Variants in ADAMTS12 observed in about 807,000 individuals in gnomAD.
The protein encoded by ADAMTS12 is ADAM metallopeptidase with thrombospondin type 1 motif 12.
Under a neutral mutation model 167.8 loss-of-function variants are expected in ADAMTS12, and 118 were observed. The observed-to-expected ratio is 0.70, with a 90% CI of 0.61 to 0.82. The LOEUF (loss-of-function observed/expected upper bound fraction) is 0.82. Among genes scored for constraint, ADAMTS12 ranks in the 40% least tolerant of loss-of-function variants. ADAMTS12 has a pLI of 0.00. For synonymous variants in ADAMTS12, 704 were observed against 716.9 expected (o/e 0.98, Z 0.29); for missense variants, 1,916 against 1,998.8 (o/e 0.96, Z 0.79).
intron 3 of ADAMTS12, among the ~76,000 whole-genome samples, chr5:33,742,287 C>G (rs1744616138): frequency 6.7e-6 from 1 of 148,946 alleles, no homozygotes; most frequent in African/African-American, 2.5e-5. Context: ...ATAATTTCCT[C>G]AAACATCTGA....
intron 2 of ADAMTS12, among the ~76,000 whole-genome samples, chr5:33,840,524 G>A (rs192683365): frequency 1.3e-5 from 2 of 152,322 alleles, no homozygotes; most frequent in East Asian, 3.9e-4. Context: ...CTTCTCAACT[G>A]TGGAGATGAT....
At chr5:33,539,553 T>C (rs1007653494) in intron 22 of ADAMTS12, among the ~76,000 whole-genome samples, 8 of 152,324 alleles carry the variant, frequency 5.3e-5, no homozygotes, top group African/African-American at 1.9e-4. Flanking sequence ...ATTTGATCTT[T>C]TCTCTTTTGA....
At chr5:33,594,283 C>A (rs530595484) in intron 17 of ADAMTS12, among the ~76,000 whole-genome samples, 1 of 152,310 alleles carries the variant, frequency 6.6e-6, no homozygotes, top group East Asian at 1.9e-4. Context: ...CCTTCTGCCA[C>A]GATTGTGAGG....
chr5:33,634,182 C>T lies in ADAMTS12; in HGVS notation c.1889-3269G>A, dbSNP rs555917056. 9.2e-5 allele frequency among the ~76,000 whole-genome samples: 14 copies of T among 152,186 alleles called. No individual in the cohort carries two copies. The South Asian group carries it at 2.5e-3, about 27-fold the overall frequency. Reference sequence around the variant, plus strand: ...GGTAAGGAAAAGTTTTGATGCATTTCGTGTTTTGTGAATAGACTGGAAAGT... The same window carrying T: ...GGTAAGGAAAAGTTTTGATGCATTTTGTGTTTTGTGAATAGACTGGAAAGT... On this transcript the variant is annotated intron_variant, in intron 12 of 23. Transcript: ENST00000504830.
chr5:33,792,818 T>C (rs1211927786), intron 2 of ADAMTS12, among the ~76,000 whole-genome samples: 1 of 152,230 alleles, frequency 6.6e-6, no homozygotes, highest in Non-Finnish European at 1.5e-5. Flanking sequence ...GAACTCCAAC[T>C]CCACTCAACC....
At chr5:33,890,127 C>T (rs536278798) in intron 1 of ADAMTS12, among the ~76,000 whole-genome samples, 3 of 152,194 alleles carry the variant, frequency 2.0e-5, no homozygotes, top group Non-Finnish European at 4.4e-5. Flanking sequence ...ACCATGGCCC[C>T]GTGGTGTCTG....
In ADAMTS12 at chr5:33,768,743, C is replaced by A. The variant is rs570715151; in HGVS notation, c.490-17195G>T. On this transcript the variant is annotated intron_variant, in intron 2 of 23. Coordinates refer to ENST00000504830, the MANE Select transcript of ADAMTS12 (RefSeq NM_030955.4). ...ATAGAATCCCACTTATTACCATGTTCAGGAACATGTAGTGGCATGATAAGA... is the reference window on the plus strand; with the variant it reads ...ATAGAATCCCACTTATTACCATGTTAAGGAACATGTAGTGGCATGATAAGA... Among the ~76,000 whole-genome samples the A allele has an allele frequency of 8.5e-5, 13 of 152,096 alleles. No individual in the cohort carries two copies. In the East Asian group the frequency reaches 2.5e-3, roughly 29 times the overall value.
intron 7 of ADAMTS12, among the ~76,000 whole-genome samples, chr5:33,655,865 T>C (rs1741042381): frequency 1.3e-5 from 2 of 151,966 alleles, no homozygotes; most frequent in Admixed American, 1.3e-4. Flanking sequence ...TGTTCATGTG[T>C]TCTCACTGTT....
In ADAMTS12 at chr5:33,596,975, C is replaced by A. The variant is rs569449712; in HGVS notation, c.2528-915G>T. On this transcript the variant is annotated intron_variant, in intron 16 of 23. Coordinates refer to ENST00000504830, the MANE Select transcript of ADAMTS12 (RefSeq NM_030955.4). The stretch of plus-strand genomic sequence containing the variant: ...ACACAGGGTCTATAGGCAAATGAAG[C>A]CTTGTCCCAGGCACTGTTCTAAACT... Among the ~76,000 whole-genome samples, 196 of 152,250 alleles carry A rather than the reference C, an allele frequency of 1.3e-3. 1 individual carries two copies. The highest frequency in any genetic ancestry group is 4.5e-3 in the African/African-American group (187 of 41,554).
At chr5:33,588,940 A>AG in intron 17 of ADAMTS12, 131 bp from the exon 18 acceptor site, 1 of 1,111,680 alleles carries the variant, frequency 9.0e-7, no homozygotes, top group Non-Finnish European at 1.3e-6. Context: ...CCAACCCACT[A>AG]GGGGGCGTGC....
intron 2 of ADAMTS12, among the ~76,000 whole-genome samples, chr5:33,841,115 T>G (rs1044596684): frequency 6.6e-6 from 1 of 152,126 alleles, no homozygotes; most frequent in Non-Finnish European, 1.5e-5. Flanking sequence ...CACAGTCTCC[T>G]GGCTGGATTC....
chr5:33,767,292 CT>C (rs1561261048), intron 2 of ADAMTS12, among the ~76,000 whole-genome samples: 1 of 152,126 alleles, frequency 6.6e-6, no homozygotes. Flanking sequence ...GTCCTTCTCT[CT>C]TCTATACTTT....
chr5:33,878,739 A>G (rs1270921889), intron 2 of ADAMTS12, among the ~76,000 whole-genome samples: 2 of 152,176 alleles, frequency 1.3e-5, no homozygotes, highest in African/African-American at 4.8e-5. Context: ...GCAATTTAGA[A>G]TCTCCTGCCA....
chr5:33,684,231 T>A (rs1253577803), intron 3 of ADAMTS12, among the ~76,000 whole-genome samples, 176 bp from the exon 4 acceptor site: 1 of 151,888 alleles, frequency 6.6e-6, no homozygotes, highest in Non-Finnish European at 1.5e-5. Flanking sequence ...AAGAGAAATT[T>A]GAATCTTACA....
intron 2 of ADAMTS12, among the ~76,000 whole-genome samples, chr5:33,795,487 G>A (rs748281235): frequency 8.6e-5 from 13 of 152,030 alleles, no homozygotes; most frequent in Middle Eastern, 3.2e-3. Context: ...ATTTTAAATC[G>A]AAAAATAAAT....
chr5:33,837,187 A>G (rs1748562599), intron 2 of ADAMTS12, among the ~76,000 whole-genome samples: 1 of 152,230 alleles, frequency 6.6e-6, no homozygotes, highest in Admixed American at 6.5e-5. Context: ...CAGGTCAGAG[A>G]TCGGGGCTGG....
chr5:33,809,983 G>GAAAAAAA (rs202032209), intron 2 of ADAMTS12, among the ~76,000 whole-genome samples: 2 of 118,088 alleles, frequency 1.7e-5, no homozygotes, highest in Non-Finnish European at 1.7e-5. Context: ...AAGTTTAACA[G>GAAAAAAA]AAAAAAAAAA....
At chr5:33,802,042 C>A (rs2166377) in intron 2 of ADAMTS12, among the ~76,000 whole-genome samples, 1 of 151,858 alleles carries the variant, frequency 6.6e-6, no homozygotes, top group Admixed American at 6.6e-5. Context: ...AAGAAAGGCC[C>A]CAGAGAGCTG....
intron 2 of ADAMTS12, among the ~76,000 whole-genome samples, chr5:33,775,006 AC>A (rs1241370735): frequency 6.6e-6 from 1 of 152,136 alleles, no homozygotes; most frequent in Non-Finnish European, 1.5e-5. Context: ...TCCAGTTCAA[AC>A]CTACTGAATC....
Sources: allele counts gnomAD v4.1 joint callset (sites outside exome capture counted in the v4.1 genomes callset), GRCh38; gene constraint gnomAD v4.1.1; transcripts MANE v1.5; gene names NCBI Gene and HGNC (gene_info 2026-07-23, HGNC 2026-07-21).